Variants in CUX1 observed in about 807,000 individuals in gnomAD.
CUX1 encodes cut like homeobox 1.
CUX1 carries 31 observed loss-of-function variants against 158.8 expected under a neutral mutation model. The observed-to-expected ratio is 0.20, with a 90% confidence interval of 0.15 to 0.26. The LOEUF is 0.26. Ranked by LOEUF, CUX1 falls within the 10% of genes least tolerant of loss-of-function variation. The probability of loss-of-function intolerance (pLI) is 1.00; values close to 1 mark genes in which losing one functional copy is unlikely to be tolerated. For missense variants in CUX1, 1,589 were observed against 2,014.6 expected, an observed-to-expected ratio of 0.79 and a Z score of 4.04; for synonymous variants, 879 against 862.1, an observed-to-expected ratio of 1.02 and a Z score of -0.34.
chr7:101,961,513 C>T (rs1470363762), intron 2 of CUX1: 1 of 152,112 alleles, frequency 6.6e-6, no homozygotes, highest in Non-Finnish European at 1.5e-5. Flanking sequence ...CAATATTGAT[C>T]AATATAGAAC....
intron 2 of CUX1, among the ~76,000 whole-genome samples, chr7:101,990,488 T>A (rs202164): frequency 2.0e-5 from 3 of 151,908 alleles, no homozygotes; most frequent in Admixed American, 1.3e-4. Context: ...GCGATTCTCC[T>A]GCCTCAGCCT....
chr7:102,219,335 G>C (rs1797582363), intron 20 of CUX1, among the ~76,000 whole-genome samples: 1 of 151,988 alleles, frequency 6.6e-6, no homozygotes, highest in South Asian at 2.1e-4. Flanking sequence ...ATCCCCTCTA[G>C]TTCCTCTGAG....
At chr7:101,943,707 G>A (rs938691540) in intron 2 of CUX1, among the ~76,000 whole-genome samples, 12 of 151,930 alleles carry the variant, frequency 7.9e-5, no homozygotes, top group African/African-American at 2.7e-4. Flanking sequence ...AAAAAATGGG[G>A]GCATTGATGA....
chr7:102,176,301 T>C (rs1050061899), intron 10 of CUX1, among the ~76,000 whole-genome samples: 3 of 152,172 alleles, frequency 2.0e-5, no homozygotes, highest in Admixed American at 6.5e-5. Context: ...ATGGCCCAGC[T>C]GTACCTGCCA....
chr7:102,121,693 G>A (rs139859638), intron 8 of CUX1, among the ~76,000 whole-genome samples: 1 of 152,282 alleles, frequency 6.6e-6, no homozygotes, highest in East Asian at 1.9e-4. Context: ...TTTCCTGAGT[G>A]TTATCTTGTT....
intron 1 of CUX1, among the ~76,000 whole-genome samples, chr7:101,905,447 T>C (rs1445773814): frequency 6.6e-6 from 1 of 152,218 alleles, no homozygotes. Context: ...TGCGCCCATC[T>C]TACAGACTCC....
intron 1 of CUX1, among the ~76,000 whole-genome samples, chr7:101,906,921 T>C (rs1233835126): frequency 6.6e-6 from 1 of 152,108 alleles, no homozygotes; most frequent in African/African-American, 2.4e-5. Flanking sequence ...CGGACCCCTT[T>C]TGGAGGTCAG....
intron 2 of CUX1, among the ~76,000 whole-genome samples, chr7:102,020,500 G>C (rs757537595): frequency 7.9e-5 from 12 of 152,172 alleles, no homozygotes; most frequent in Admixed American, 6.5e-4. Flanking sequence ...GCTATCTAAC[G>C]TGACATCCAG....
chr7:102,195,728 C>T (rs1554518132), intron 14 of CUX1, 125 bp downstream of exon 14: 1 of 831,526 alleles, frequency 1.2e-6, no homozygotes, highest in Non-Finnish European at 1.9e-6. Context: ...TTGACGAGAA[C>T]CTTTGACTAA....
At position 102,250,787 on chromosome 7, in the gene CUX1, CGTGT is replaced by C; in HGVS notation, c.*1747_*1750del. The C allele has an allele frequency of 1.0e-6, 1 of 984,800 alleles. No individual in the cohort carries two copies. The highest frequency in any genetic ancestry group is 1.2e-6 in the Non-Finnish European group (1 of 829,476). The allele number at this position is 984,800 out of a possible 1,614,324, so 61.0% of individuals were successfully genotyped here. ...ATAGAGGCGGGTGAGAGTGTGCGTG[CGTGT>C]GCGTGTGTGCAATTTTATACGTCTG... On this transcript the variant is annotated 3_prime_UTR_variant, in exon 24 of 24. Coordinates refer to ENST00000292535, the MANE Select transcript of CUX1 (RefSeq NM_181552.4).
chr7:102,062,980 C>CTGT (rs1272122210), intron 3 of CUX1, among the ~76,000 whole-genome samples: 1 of 152,154 alleles, frequency 6.6e-6, no homozygotes, highest in Non-Finnish European at 1.5e-5. Flanking sequence ...TGGCAGGCAC[C>CTGT]TGTAATCCCA....
intron 1 of CUX1, among the ~76,000 whole-genome samples, chr7:101,863,805 G>A (rs1041303674): frequency 3.3e-5 from 5 of 152,194 alleles, no homozygotes; most frequent in African/African-American, 1.2e-4. Flanking sequence ...ATACAGTATT[G>A]TCTTTCTGTG....
At chr7:102,123,873 A>G (rs79270454) in intron 8 of CUX1, among the ~76,000 whole-genome samples, 10,391 of 152,010 alleles carry the variant, frequency 0.068, 488 homozygotes, top group African/African-American at 0.13. Flanking sequence ...CATGTTACCT[A>G]GGCGGGTCTT....
intron 1 of CUX1, among the ~76,000 whole-genome samples, chr7:101,834,289 T>G (rs1250806199): frequency 7.1e-6 from 1 of 141,502 alleles, no homozygotes; most frequent in African/African-American, 2.6e-5. Context: ...TTCTCCCGCC[T>G]CAGCCTCCCG....
At chr7:102,279,879 G>A (rs1312688326) in intron 18 of CUX1, among the ~76,000 whole-genome samples, 4 of 152,146 alleles carry the variant, frequency 2.6e-5, no homozygotes, top group African/African-American at 9.7e-5. Flanking sequence ...CATTCACATT[G>A]TCACCCCAGC....
At chr7:102,067,486 T>TCGG (rs1825672867) in intron 3 of CUX1, among the ~76,000 whole-genome samples, 2 of 151,228 alleles carry the variant, frequency 1.3e-5, no homozygotes, top group East Asian at 3.9e-4. Context: ...TCTGCCCACC[T>TCGG]CGGCCTCCCA....
At chr7:101,979,591 G>T (rs969197324) in intron 2 of CUX1, among the ~76,000 whole-genome samples, 2 of 152,188 alleles carry the variant, frequency 1.3e-5, no homozygotes. Context: ...GCTATCTTTA[G>T]GAGGTTTGTT....
chr7:101,876,713 AAAAG>A (rs1181157978), intron 1 of CUX1, among the ~76,000 whole-genome samples: 4 of 152,154 alleles, frequency 2.6e-5, no homozygotes, highest in Non-Finnish European at 4.4e-5. Context: ...AGAAAAATGA[AAAAG>A]AAAATATCTT....
chr7:102,197,461 G>A (rs1323397793), intron 15 of CUX1, among the ~76,000 whole-genome samples, 156 bp downstream of exon 15: 1 of 152,184 alleles, frequency 6.6e-6, no homozygotes, highest in Non-Finnish European at 1.5e-5. Context: ...AGAGCTCAAG[G>A]GTGGCCCGGC....
Sources: gnomAD v4.1 joint callset for allele counts (sites outside exome capture counted in the v4.1 genomes callset) on GRCh38, gnomAD v4.1.1 for gene constraint, MANE v1.5 for transcripts, NCBI Gene and HGNC (gene_info 2026-07-23, HGNC 2026-07-21) for gene names.